Variants in PKD1L3 observed in about 807,000 individuals in gnomAD.
The protein encoded by PKD1L3 is polycystin-1-like protein 3.
In PKD1L3, 239 loss-of-function variants were observed where a neutral mutation model predicts 184.1. That is an observed-to-expected ratio of 1.30 (90% CI 1.17 to 1.45). The LOEUF (loss-of-function observed/expected upper bound fraction) is 1.45. PKD1L3 is among the 40% of genes most tolerant of loss of function. The pLI is 0.00. For missense variants in PKD1L3, 2,660 were observed against 2,067.2 expected (o/e 1.29, Z -5.56); for synonymous variants, 996 against 778.8 (o/e 1.28, Z -4.64).
intron 1 of PKD1L3, among the ~76,000 whole-genome samples, chr16:71,998,806 G>A (rs931044718): frequency 6.6e-6 from 1 of 152,060 alleles, no homozygotes; most frequent in Non-Finnish European, 1.5e-5. Context: ...ACTTCCAATA[G>A]ATAAAAATGT....
At chr16:71,937,651 C>T (rs923913531) in intron 24 of PKD1L3, among the ~76,000 whole-genome samples, 2 of 152,096 alleles carry the variant, frequency 1.3e-5, no homozygotes, top group African/African-American at 4.8e-5. Context: ...AAAGGATATG[C>T]TGTTGACCCT....
intron 24 of PKD1L3, among the ~76,000 whole-genome samples, chr16:71,940,077 TAGA>T (rs1156773383): frequency 6.6e-6 from 1 of 152,014 alleles, no homozygotes; most frequent in Non-Finnish European, 1.5e-5. Context: ...CTTCTGAAGG[TAGA>T]AGTTCAGGTG....
rs549233726 is a variant in PKD1L3 at position 71,973,666 on chromosome 16, A to G, written c.1760-149T>C. The G allele has an allele frequency of 7.3e-5, 58 of 797,704 alleles. 1 individual carries two copies. Among genetic ancestry groups the G allele is most frequent in the Non-Finnish European group, 2.5e-5 (13 of 517,962 alleles). 49.4% of individuals were successfully genotyped at this position (797,704 alleles called of 1,614,324 possible). A position where few individuals can be genotyped will look rare whatever the true frequency, so the allele number is the denominator to read the frequency against. ...ATGATTTGAAAGAAAATGACCAGTG[A>G]TACAACCCTGGGCTCTGGATTACTA... On this transcript the variant is annotated intron_variant, in intron 11 of 29. Coordinates refer to ENST00000620267, the MANE Select transcript of PKD1L3 (RefSeq NM_181536.2).
At chr16:71,934,788 G>C (rs913044514) in intron 26 of PKD1L3, among the ~76,000 whole-genome samples, 1 of 152,190 alleles carries the variant, frequency 6.6e-6, no homozygotes, top group Non-Finnish European at 1.5e-5. Flanking sequence ...CAATGCCTCA[G>C]GAAAAGTTAC....
intron 21 of PKD1L3, among the ~76,000 whole-genome samples, chr16:71,948,641 C>T (rs1014094998): frequency 6.6e-6 from 1 of 152,010 alleles, no homozygotes; most frequent in Non-Finnish European, 1.5e-5. Context: ...CTGTTCATTT[C>T]CTTGGCATTA....
intron 15 of PKD1L3, among the ~76,000 whole-genome samples, chr16:71,965,063 G>C (rs1288700380): frequency 6.6e-6 from 1 of 151,896 alleles, no homozygotes; most frequent in Non-Finnish European, 1.5e-5. Flanking sequence ...GCCCAGGCTG[G>C]TCTCAAACTC....
chr16:71,983,453 C>T lies in PKD1L3; in HGVS notation c.966+583G>A, dbSNP rs539826890. Among the ~76,000 whole-genome samples the T allele has an allele frequency of 5.3e-5, 8 of 152,046 alleles. No homozygotes were observed. The South Asian group carries it at 1.5e-3, about 28-fold the overall frequency. On this transcript the variant is annotated intron_variant, in intron 6 of 29. Coordinates refer to ENST00000620267, the MANE Select transcript of PKD1L3 (RefSeq NM_181536.2). ...GGAGCCAATGTGTTCCACTGAATGC[C>T]GACAGACTTCTAACAAATGCATCAG... is the stretch of plus-strand genomic sequence containing the variant.
At chr16:71,993,153 G>T in intron 3 of PKD1L3, 63 bp downstream of exon 3, 3 of 1,157,364 alleles carry the variant, frequency 2.6e-6, no homozygotes, top group East Asian at 2.6e-5. Flanking sequence ...TCAGTCTTGT[G>T]CATTCTTTTA....
At chr16:71,941,087 C>CA (rs2038343537) in intron 24 of PKD1L3, among the ~76,000 whole-genome samples, 2 of 152,086 alleles carry the variant, frequency 1.3e-5, no homozygotes, top group Non-Finnish European at 2.9e-5. Flanking sequence ...ATCTTCCTGC[C>CA]TTGGCCTCCC....
chr16:71,982,611 T>C (rs1490193520), intron 6 of PKD1L3, among the ~76,000 whole-genome samples: 1 of 151,886 alleles, frequency 6.6e-6, no homozygotes, highest in Non-Finnish European at 1.5e-5. Flanking sequence ...AATTTTACTT[T>C]TAAGAGATGG....
intron 5 of PKD1L3, among the ~76,000 whole-genome samples, chr16:71,984,710 T>A (rs2040291450): frequency 6.6e-6 from 1 of 152,116 alleles, no homozygotes; most frequent in South Asian, 2.1e-4. Context: ...AATACAAAAA[T>A]TAACCAGGCT....
chr16:71,976,418 T>A (rs1010846458), intron 11 of PKD1L3, among the ~76,000 whole-genome samples: 2 of 150,396 alleles, frequency 1.3e-5, no homozygotes, highest in Non-Finnish European at 3.0e-5. Flanking sequence ...ACCACACCCA[T>A]CTAATTTTTT....
At chr16:71,973,108 TCACAAAGATAAAG>T (rs1413714248) in intron 12 of PKD1L3, among the ~76,000 whole-genome samples, 4 of 152,180 alleles carry the variant, frequency 2.6e-5, no homozygotes, top group Non-Finnish European at 5.9e-5. Flanking sequence ...GAGAAAGAAA[TCACAAAGATAAAG>T]CACAAAGCTG....
chr16:71,930,412 A>G (rs553765271), intron 28 of PKD1L3: 17 of 360,084 alleles, frequency 4.7e-5, no homozygotes, highest in African/African-American at 2.1e-4. Context: ...GGCTTTCACA[A>G]GAAAACAGGT....
At chr16:71,930,782 A>T (rs571007793) in intron 28 of PKD1L3, 1 of 152,206 alleles carries the variant, frequency 6.6e-6, no homozygotes, top group Non-Finnish European at 1.5e-5. Context: ...CTGTTGTTTA[A>T]AATTTAGATG....
chr16:71,943,148 T>C, intron 23 of PKD1L3, 124 bp from the exon 24 acceptor site: 1 of 676,454 alleles, frequency 1.5e-6, no homozygotes, highest in Non-Finnish European at 2.5e-6. Flanking sequence ...ACTGGCTGTT[T>C]CATATGGTTC....
At chr16:71,981,761 G>A (rs1456137868) in intron 7 of PKD1L3, among the ~76,000 whole-genome samples, 1 of 151,952 alleles carries the variant, frequency 6.6e-6, no homozygotes, top group African/African-American at 2.4e-5. Flanking sequence ...GGCTGGTCTC[G>A]AACTCCTGAC....
Position 71,981,941 on chromosome 16 carries a change from G to A in PKD1L3, c.1143+118C>T, listed in dbSNP as rs546997663. On this transcript the variant is annotated intron_variant, in intron 7 of 29. Coordinates refer to ENST00000620267, the MANE Select transcript of PKD1L3 (RefSeq NM_181536.2). ...AAGGCATGGCAGAGGAGTTTCTTCT[G>A]CAGCAGAAACTTCAGCAAGATTATC... 13 of 1,165,530 alleles carry A rather than the reference G, an allele frequency of 1.1e-5. No homozygotes were observed. In the East Asian group the frequency reaches 1.9e-4, roughly 17 times the overall value. 72.2% of individuals were successfully genotyped at this position (1,165,530 alleles called of 1,614,324 possible). A position where few individuals can be genotyped will look rare whatever the true frequency, so the allele number is the denominator to read the frequency against.
chr16:71,944,165 A>G lies in PKD1L3; in HGVS notation c.3724T>C (p.Cys1242Arg). ...TKRILALLAK[C>R]SSSVPGSRDK... ...CTTGAACCTGGTACTGACGAAGAAC[A>G]TTTTGCTGTCAAAAATTCAAATATA... Residue 1242 changes from cysteine (C) to arginine (R), a missense_variant, in exon 23 of 30, where the codon TGT becomes CGT. Coordinates refer to ENST00000620267, the MANE Select transcript of PKD1L3 (RefSeq NM_181536.2). 1 of 1,548,946 alleles carries G rather than the reference A, an allele frequency of 6.5e-7. No homozygotes were observed. Among genetic ancestry groups the G allele is most frequent in the Non-Finnish European group, 8.7e-7 (1 of 1,145,654 alleles).
Sources: allele counts gnomAD v4.1 joint callset (sites outside exome capture counted in the v4.1 genomes callset), GRCh38; gene constraint gnomAD v4.1.1; transcripts MANE v1.5; gene names NCBI Gene and HGNC (gene_info 2026-07-23, HGNC 2026-07-21).